DOCK3: variants seen among roughly 807,000 people sequenced by gnomAD.
DOCK3 encodes dedicator of cytokinesis 3, also known as dedicator of cytokinesis protein 3.
In DOCK3, 60 loss-of-function variants were observed where a neutral mutation model predicts 265.6. The observed-to-expected ratio is 0.23, with a 90% CI of 0.18 to 0.28. The LOEUF (loss-of-function observed/expected upper bound fraction) is 0.28, where lower values mean the gene tolerates loss of function less well. Ranked by LOEUF, DOCK3 falls within the 10% of genes least tolerant of loss-of-function variation. The pLI, the probability that DOCK3 is intolerant of heterozygous loss-of-function variation, is 1.00. For synonymous variants in DOCK3, 881 were observed against 938.0 expected (o/e 0.94, Z 1.11); for missense variants, 1,981 against 2,594.3 (o/e 0.76, Z 5.14).
At chr3:51,143,830 T>A (rs2085175667) in intron 9 of DOCK3, among the ~76,000 whole-genome samples, 1 of 152,240 alleles carries the variant, frequency 6.6e-6, no homozygotes, top group Non-Finnish European at 1.5e-5. Context: ...AGCTTTTAAT[T>A]TATGTAAAGT....
At chr3:51,368,552 C>T (rs2110458361) in intron 49 of DOCK3, among the ~76,000 whole-genome samples, 1 of 152,320 alleles carries the variant, frequency 6.6e-6, no homozygotes, top group South Asian at 2.1e-4. Flanking sequence ...AACAAAGCGG[C>T]TGGGAAGCTC....
intron 5 of DOCK3, among the ~76,000 whole-genome samples, chr3:51,056,397 C>T (rs180987358): frequency 2.0e-5 from 3 of 152,238 alleles, no homozygotes; most frequent in East Asian, 3.9e-4. Flanking sequence ...TACAGGTGCC[C>T]GCCACCATGG....
chr3:50,931,969 G>T (rs576773385), intron 4 of DOCK3, among the ~76,000 whole-genome samples: 3 of 152,236 alleles, frequency 2.0e-5, no homozygotes, highest in Non-Finnish European at 4.4e-5. Context: ...AAACTTTTCT[G>T]CTGGATTCCT....
intron 10 of DOCK3, among the ~76,000 whole-genome samples, chr3:51,157,562 G>A (rs1479259883): frequency 6.6e-6 from 1 of 152,052 alleles, no homozygotes; most frequent in Non-Finnish European, 1.5e-5. Flanking sequence ...TTACTTCTTA[G>A]TGTCTCCTTT....
intron 1 of DOCK3, among the ~76,000 whole-genome samples, chr3:50,706,724 C>A (rs2036437106): frequency 6.6e-6 from 1 of 151,892 alleles, no homozygotes; most frequent in Admixed American, 6.6e-5. Flanking sequence ...TCTCAAAATT[C>A]AATTATTTAT....
chr3:51,130,756 G>A (rs917759435), intron 9 of DOCK3, among the ~76,000 whole-genome samples: 14 of 152,142 alleles, frequency 9.2e-5, no homozygotes, highest in Admixed American at 4.6e-4. Flanking sequence ...AGCCCAAGCT[G>A]GAGTGCAGTG....
At chr3:51,268,535 C>A (rs1161676718) in intron 23 of DOCK3, among the ~76,000 whole-genome samples, 2 of 152,202 alleles carry the variant, frequency 1.3e-5, no homozygotes, top group Admixed American at 1.3e-4. Flanking sequence ...ATCAGACAGC[C>A]TCTCTCATGT....
chr3:50,812,542 C>T (rs1437707721), intron 2 of DOCK3, among the ~76,000 whole-genome samples: 2 of 152,030 alleles, frequency 1.3e-5, no homozygotes, highest in Non-Finnish European at 2.9e-5. Context: ...AGCTATAGAC[C>T]CAGGAGAGCT....
intron 49 of DOCK3, among the ~76,000 whole-genome samples, chr3:51,367,755 A>G (rs2087335761): frequency 6.6e-6 from 1 of 152,286 alleles, no homozygotes; most frequent in Middle Eastern, 3.4e-3. Context: ...TATGAAGCTT[A>G]GTTTGGCTGG....
chr3:50,823,802 C>T (rs974713177), intron 2 of DOCK3, among the ~76,000 whole-genome samples: 1 of 152,190 alleles, frequency 6.6e-6, no homozygotes, highest in African/African-American at 2.4e-5. Context: ...GGGGCTGACT[C>T]CCCCACCTCC....
At chr3:51,248,885 A>C (rs1156507546) in intron 22 of DOCK3, among the ~76,000 whole-genome samples, 7 of 128,008 alleles carry the variant, frequency 5.5e-5, no homozygotes, top group South Asian at 2.7e-4. Flanking sequence ...CCCGGCCGCC[A>C]CCCCGTCTGG....
chr3:50,907,050 A>G (rs1463414181), intron 4 of DOCK3, among the ~76,000 whole-genome samples: 1 of 151,996 alleles, frequency 6.6e-6, no homozygotes, highest in Non-Finnish European at 1.5e-5. Flanking sequence ...TTCAGTTTCC[A>G]TGTAGTTGAG....
chr3:50,975,657 G>C (rs994499795), intron 5 of DOCK3, among the ~76,000 whole-genome samples: 3 of 152,158 alleles, frequency 2.0e-5, no homozygotes, highest in Non-Finnish European at 4.4e-5. Flanking sequence ...CTGGCCTCAT[G>C]AAATGAGTTA....
At chr3:50,812,853 C>A (rs2043846719) in intron 2 of DOCK3, among the ~76,000 whole-genome samples, 1 of 152,168 alleles carries the variant, frequency 6.6e-6, no homozygotes, top group African/African-American at 2.4e-5. Context: ...CATCACAGGC[C>A]CCAACTCAGG....
intron 2 of DOCK3, among the ~76,000 whole-genome samples, chr3:50,812,221 C>A (rs912358050): frequency 1.3e-5 from 2 of 152,126 alleles, no homozygotes; most frequent in African/African-American, 4.8e-5. Context: ...AGAATAAGGG[C>A]CATAGCTAGT....
chr3:51,320,354 G>A (rs1402084722), intron 32 of DOCK3, among the ~76,000 whole-genome samples: 1 of 152,104 alleles, frequency 6.6e-6, no homozygotes, highest in Non-Finnish European at 1.5e-5. Context: ...ATGCCACCAG[G>A]GCCCTGGGTT....
chr3:50,766,075 A>G (rs1159182111), intron 1 of DOCK3, among the ~76,000 whole-genome samples: 1 of 152,176 alleles, frequency 6.6e-6, no homozygotes, highest in South Asian at 2.1e-4. Context: ...AGGTTCATCC[A>G]TCTTGTCGCA....
intron 12 of DOCK3, among the ~76,000 whole-genome samples, chr3:51,171,851 A>T (rs1011265380): frequency 1.3e-5 from 2 of 152,024 alleles, no homozygotes; most frequent in Non-Finnish European, 2.9e-5. Flanking sequence ...CACTTGGTTT[A>T]CACTGTTACT....
intron 31 of DOCK3, 23 bp downstream of exon 31, chr3:51,312,925 T>C: frequency 8.8e-6 from 14 of 1,586,104 alleles, no homozygotes; most frequent in Non-Finnish European, 1.2e-5. Context: ...TCCCTATTCT[T>C]CCCTTCTATA....
Sources: gnomAD v4.1 joint callset for allele counts (sites outside exome capture counted in the v4.1 genomes callset) on GRCh38, gnomAD v4.1.1 for gene constraint, MANE v1.5 for transcripts, NCBI Gene and HGNC (gene_info 2026-07-23, HGNC 2026-07-21) for gene names.